ITSN2: variants seen among roughly 807,000 people sequenced by gnomAD.
The protein encoded by ITSN2 is intersectin-2.
ITSN2 carries 156 observed loss-of-function variants against 243.7 expected under a neutral mutation model. That is an observed-to-expected ratio of 0.64 (90% CI 0.56 to 0.73). The LOEUF (loss-of-function observed/expected upper bound fraction) is 0.73. ITSN2 is among the 30% of genes least tolerant of loss of function. The pLI, the probability that ITSN2 is intolerant of heterozygous loss-of-function variation, is 0.00. For missense variants in ITSN2, 1,801 were observed against 1,996.1 expected, an observed-to-expected ratio of 0.90 and a Z score of 1.86; for synonymous variants, 703 against 699.9, an observed-to-expected ratio of 1.00 and a Z score of -0.07.
chr2:24,209,074 G>A (rs532215186), intron 36 of ITSN2, 26 bp downstream of exon 36: 1 of 1,612,074 alleles, frequency 6.2e-7, no homozygotes, highest in Non-Finnish European at 8.5e-7. Flanking sequence ...AGAGTTCAAG[G>A]CAGGCCACAC....
rs777801668 is a variant in ITSN2, at chr2:24,299,979, C to T, written c.1274G>A (p.Arg425His). Residue 425 changes from arginine to histidine, a missense_variant, in exon 12 of 40, where the codon CGC (arginine) becomes CAC (histidine). Arg to His is a conservative substitution (Grantham distance 29). Coordinates refer to ENST00000355123, the MANE Select transcript of ITSN2 (RefSeq NM_006277.3). ...CTCCAATTCCCGTTGCTTCTCTAAG[C>T]GTTTTTCTAATTCAAGTTGTTTCTT... ...EWKKQLELEK[R>H]LEKQRELERQ... The T allele has an allele frequency of 2.9e-5, 47 of 1,613,792 alleles. No individual in the cohort carries two copies. The highest frequency in any genetic ancestry group is 1.6e-4 in the Middle Eastern group (1 of 6,084).
intron 13 of ITSN2, among the ~76,000 whole-genome samples, chr2:24,297,946 A>G (rs1348719686): frequency 1.3e-5 from 2 of 152,122 alleles, no homozygotes; most frequent in African/African-American, 4.8e-5. Flanking sequence ...ACATTAAGAC[A>G]TAACTAATTC....
chr2:24,270,824 G>T, intron 19 of ITSN2, 56 bp from the exon 20 acceptor site: 2 of 922,670 alleles, frequency 2.2e-6, no homozygotes, highest in South Asian at 2.9e-5. Flanking sequence ...TCTTTGCTAT[G>T]ACTCAATAAA....
At chr2:24,215,244 C>T (rs1243983615) in intron 32 of ITSN2, among the ~76,000 whole-genome samples, 1 of 152,238 alleles carries the variant, frequency 6.6e-6, no homozygotes, top group African/African-American at 2.4e-5. Flanking sequence ...TACAGGATCA[C>T]AGATATGCAT....
At position 24,299,895 on chromosome 2, in the gene ITSN2, A is replaced by C. The variant is rs1194380674; in HGVS notation, c.1344+14T>G. The C allele has an allele frequency of 6.4e-7, 1 of 1,572,236 alleles. No individual in the cohort carries two copies. Among genetic ancestry groups the C allele is most frequent in the Non-Finnish European group, 8.6e-7 (1 of 1,160,056 alleles). On this transcript the variant is annotated intron_variant, in intron 12 of 39. Transcript: ENST00000355123. Reference sequence around the variant, plus strand: ...GTAATGATTTTCTTAAGAAGTAAAAAACTTAAAAATAACCTCTCGTCTTTC... The same window carrying C: ...GTAATGATTTTCTTAAGAAGTAAAACACTTAAAAATAACCTCTCGTCTTTC...
At chr2:24,357,956 C>A (rs1348880044) in intron 1 of ITSN2, among the ~76,000 whole-genome samples, 1 of 152,202 alleles carries the variant, frequency 6.6e-6, no homozygotes, top group African/African-American at 2.4e-5. Flanking sequence ...ACTCTGTCGC[C>A]TAGGCTGGAG....
At chr2:24,320,320 C>T (rs1464107019) in intron 2 of ITSN2, among the ~76,000 whole-genome samples, 2 of 150,400 alleles carry the variant, frequency 1.3e-5, no homozygotes, top group East Asian at 3.9e-4. Context: ...GAGATCGAGA[C>T]CATCCTGGCT....
chr2:24,244,655 T>G, intron 29 of ITSN2, among the ~76,000 whole-genome samples: 1 of 152,174 alleles, frequency 6.6e-6, no homozygotes, highest in East Asian at 1.9e-4. Flanking sequence ...TGGTTTCTAA[T>G]TAATCATTGT....
At chr2:24,359,014 T>C (rs928758278) in intron 1 of ITSN2, among the ~76,000 whole-genome samples, 1 of 152,228 alleles carries the variant, frequency 6.6e-6, no homozygotes, top group Non-Finnish European at 1.5e-5. Flanking sequence ...GCACATTTTT[T>C]CCACGTTTTC....
At chr2:24,320,669 C>A (rs1049164732) in intron 2 of ITSN2, among the ~76,000 whole-genome samples, 7 of 149,904 alleles carry the variant, frequency 4.7e-5, no homozygotes, top group African/African-American at 1.7e-4. Flanking sequence ...GAGCACTGAT[C>A]ACACCACTGT....
intron 29 of ITSN2, among the ~76,000 whole-genome samples, chr2:24,236,775 ACTGC>A (rs1672206981): frequency 1.3e-5 from 2 of 150,798 alleles, no homozygotes; most frequent in Non-Finnish European, 1.5e-5. Context: ...GCTCAATTGA[ACTGC>A]CTGCCTCAGC....
At position 24,337,337 on chromosome 2, in the gene ITSN2, T is replaced by C. The variant is rs796355597; in HGVS notation, c.-33-9222A>G. On this transcript the variant is annotated intron_variant, in intron 1 of 39. Transcript: ENST00000355123. Reference sequence around the variant, plus strand: ...CAAAATATATATATATATATATATATATATATATATATATATGTAATTTTT... The same window carrying C: ...CAAAATATATATATATATATATATACATATATATATATATATGTAATTTTT... Among the ~76,000 whole-genome samples the C allele has an allele frequency of 8.7e-3, 968 of 111,726 alleles. 82 individuals are homozygous for C. Among genetic ancestry groups the C allele is most frequent in the East Asian group, 0.067 (270 of 4,004 alleles). 73.3% of individuals were successfully genotyped at this position (111,726 alleles called of 152,430 possible). A position where few individuals can be genotyped will look rare whatever the true frequency, so the allele number is the denominator to read the frequency against.
intron 29 of ITSN2, among the ~76,000 whole-genome samples, chr2:24,236,949 C>T (rs979984745): frequency 4.6e-5 from 7 of 151,652 alleles, no homozygotes; most frequent in Admixed American, 4.6e-4. Context: ...CCCACCTTGG[C>T]CTCTCAAAAG....
At chr2:24,271,969 T>C (rs775788172) in intron 18 of ITSN2, 28 bp from the exon 19 acceptor site, 22 of 1,452,860 alleles carry the variant, frequency 1.5e-5, no homozygotes, top group Admixed American at 2.6e-5. Context: ...AGAGTTTGTA[T>C]AATGTCCTAG....
In ITSN2 at chr2:24,216,098, A is replaced by G; in HGVS notation, c.3941T>C (p.Leu1314Pro). 6.2e-7 allele frequency: 1 copy of G among 1,611,828 alleles called. No individual in the cohort carries two copies. The highest frequency in any genetic ancestry group is 8.5e-7 in the Non-Finnish European group (1 of 1,178,970). The part of the protein sequence containing the change: ...FCSCQLNGAA[L>P]LQQKTDEDTD... ...GTCTTCATCTGTCTTCTGCTGTAAC[A>G]GAGCTGCTCCATTAAGCTGGCAGCT... The change falls in exon 32 of 40, where the codon CTG becomes CCG. Residue 1314 changes from leucine to proline, a missense_variant. Coordinates refer to ENST00000355123, the MANE Select transcript of ITSN2 (RefSeq NM_006277.3).
intron 1 of ITSN2, among the ~76,000 whole-genome samples, chr2:24,354,252 G>T (rs548859977): frequency 5.8e-4 from 88 of 152,306 alleles, no homozygotes; most frequent in African/African-American, 2.1e-3. Context: ...TTTAAAGAAG[G>T]CTTCACTAAA....
At chr2:24,290,046 A>C (rs571196926) in intron 15 of ITSN2, among the ~76,000 whole-genome samples, 6 of 152,188 alleles carry the variant, frequency 3.9e-5, no homozygotes, top group Non-Finnish European at 8.8e-5. Flanking sequence ...ACCTTGTCAA[A>C]TACTCGTTCT....
chr2:24,331,218 C>T (rs867977063), intron 1 of ITSN2, among the ~76,000 whole-genome samples: 8 of 151,532 alleles, frequency 5.3e-5, no homozygotes, highest in East Asian at 3.9e-4. Flanking sequence ...ATTACAGTTG[C>T]GCATCATCAC....
chr2:24,223,876 A>G lies in ITSN2; in HGVS notation c.3578-2810T>C, dbSNP rs12467495. ...AAAGAAAGAAAGGAAAGAAAGAAAA[A>G]AAAGAAAGAAGAAAAATAAAGAAAA... On this transcript the variant is annotated intron_variant, in intron 29 of 39. Coordinates refer to ENST00000355123, the MANE Select transcript of ITSN2 (RefSeq NM_006277.3). 5.9e-4 allele frequency among the ~76,000 whole-genome samples: 31 copies of G among 52,308 alleles called. No individual in the cohort carries two copies. The East Asian group carries it at 0.016, about 27-fold the overall frequency. 34.3% of individuals were successfully genotyped at this position (52,308 alleles called of 152,430 possible). A position where few individuals can be genotyped will look rare whatever the true frequency, so the allele number is the denominator to read the frequency against.
Sources: gnomAD v4.1 joint callset for allele counts (sites outside exome capture counted in the v4.1 genomes callset) on GRCh38, gnomAD v4.1.1 for gene constraint, MANE v1.5 for transcripts, NCBI Gene and HGNC (gene_info 2026-07-23, HGNC 2026-07-21) for gene names.